The following HOGA1 variants were observed in gnomAD, a reference collection of about 807,000 sequenced individuals.
HOGA1 encodes 4-hydroxy-2-oxoglutarate aldolase 1, also known as 4-hydroxy-2-oxoglutarate aldolase, mitochondrial.
A neutral mutation model predicts 34.3 loss-of-function variants in HOGA1; 30 were observed. The observed-to-expected ratio is 0.87, with a 90% CI of 0.65 to 1.19. HOGA1 has a LOEUF of 1.19. Ranked by LOEUF, HOGA1 falls within the 50% of genes most tolerant of loss-of-function variation. The pLI, the probability that HOGA1 is intolerant of heterozygous loss-of-function variation, is 0.00. For synonymous variants in HOGA1, 161 were observed against 174.0 expected (o/e 0.93, Z 0.59); for missense variants, 417 against 436.5 (o/e 0.96, Z 0.40).
chr10:97,599,283 T>C (rs1245708079), intron 3 of HOGA1, 67 bp downstream of exon 3: 3 of 1,587,508 alleles, frequency 1.9e-6, no homozygotes, highest in East Asian at 4.5e-5. Context: ...AAGCTGGGAA[T>C]AGGGTGGTGC....
chr10:97,594,397 C>A (rs1381968137), intron 1 of HOGA1, among the ~76,000 whole-genome samples: 1 of 151,888 alleles, frequency 6.6e-6, no homozygotes, highest in Non-Finnish European at 1.5e-5. Context: ...CACTGTCACC[C>A]AGGCTGCAGT....
rs2041121874 is a variant in HOGA1, at chr10:97,601,976, G to A, written c.820G>A (p.Glu274Lys). 6.2e-7 allele frequency: 1 copy of A among 1,612,386 alleles called. No homozygotes were observed. The highest frequency in any genetic ancestry group is 8.5e-7 in the Non-Finnish European group (1 of 1,179,598). ...DAQKLQHRLI[E>K]PNAAVTRRFG... ...CCAGAAACTGCAGCACCGCCTCATT[G>A]AGCCAAACGCTGCGGTGAGCCAGTG... The change falls in exon 6 of 7, where the codon GAG becomes AAG. Residue 274 changes from glutamate to lysine, a missense_variant. Coordinates refer to ENST00000370646, the MANE Select transcript of HOGA1 (RefSeq NM_138413.4).
In HOGA1 at chr10:97,603,518, A is replaced by G. The variant is rs1416454887; in HGVS notation, c.834+1528A>G. Among the ~76,000 whole-genome samples the G allele has an allele frequency of 6.6e-6, 1 of 151,614 alleles. No homozygotes were observed. The highest frequency in any genetic ancestry group is 1.5e-5 in the Non-Finnish European group (1 of 67,910). On this transcript the variant is annotated intron_variant, in intron 6 of 6. Transcript: ENST00000370646. This position sits in a 1 kb window ranked among gnomAD's most constrained non-coding sequence, Gnocchi z 4.5. ...GCTGAGATTACAGGCATGAGCCACCATGACTGGCCTACTGTATATTTTATA... is the reference window on the plus strand; with the variant it reads ...GCTGAGATTACAGGCATGAGCCACCGTGACTGGCCTACTGTATATTTTATA...
chr10:97,598,381 G>T (rs2041086962), intron 1 of HOGA1, among the ~76,000 whole-genome samples: 1 of 152,256 alleles, frequency 6.6e-6, no homozygotes, highest in African/African-American at 2.4e-5. Context: ...CAATTAAAAT[G>T]AATGAATCAG....
At chr10:97,585,547 C>T (rs889779905) in intron 1 of HOGA1, among the ~76,000 whole-genome samples, 1 of 152,198 alleles carries the variant, frequency 6.6e-6, no homozygotes, top group African/African-American at 2.4e-5. Context: ...CCCTGCTCCG[C>T]CCATCCCCAT....
intron 1 of HOGA1, among the ~76,000 whole-genome samples, chr10:97,597,718 G>A (rs1206002199): frequency 6.6e-6 from 1 of 152,154 alleles, no homozygotes; most frequent in African/African-American, 2.4e-5. Context: ...CACTTCTGGA[G>A]GCTAAGGTGG....
intron 1 of HOGA1, among the ~76,000 whole-genome samples, chr10:97,591,398 T>C (rs1241901912): frequency 1.3e-5 from 2 of 152,306 alleles, no homozygotes; most frequent in East Asian, 3.9e-4. Context: ...CAACACTTTC[T>C]TCTTGTTTGT....
At position 97,605,832 on chromosome 10, in the gene HOGA1, C is replaced by T. The variant is rs557531611; in HGVS notation, c.834+3842C>T. Among the ~76,000 whole-genome samples, 112 of 152,138 alleles carry T rather than the reference C, an allele frequency of 7.4e-4. 1 individual carries two copies. Among genetic ancestry groups the T allele is most frequent in the Non-Finnish European group, 1.0e-4 (7 of 68,012 alleles). On this transcript the variant is annotated intron_variant, in intron 6 of 6. Coordinates refer to ENST00000370646, the MANE Select transcript of HOGA1 (RefSeq NM_138413.4). ...TCTTTATAGCTTCTAAATACTAGTC[C>T]TTTGTTAGACATGTGGCTTGTAAAT... is the stretch of plus-strand genomic sequence containing the variant.
rs556950043 is a variant in HOGA1, at chr10:97,594,643, G to A, written c.212-4132G>A. On this transcript the variant is annotated intron_variant, in intron 1 of 6. Transcript: ENST00000370646. ...GCTGGGATCACAAGTGTGAACCATT[G>A]TGCCTGGCCTAATTTTAATTTTTTT... Among the ~76,000 whole-genome samples, 7 of 151,928 alleles carry A rather than the reference G, an allele frequency of 4.6e-5. No homozygotes were observed. The East Asian group carries it at 1.2e-3, about 25-fold the overall frequency.
At chr10:97,588,113 C>A (rs376339287) in intron 1 of HOGA1, among the ~76,000 whole-genome samples, 7 of 151,896 alleles carry the variant, frequency 4.6e-5, no homozygotes, top group African/African-American at 9.7e-5. Context: ...TGCCCGGCCC[C>A]GTGTAGCTCT....
Position 97,612,738 on chromosome 10 carries a change from A to G in HOGA1, c.*1079A>G, listed in dbSNP as rs1189568083. On this transcript the variant is annotated 3_prime_UTR_variant, in exon 7 of 7. Coordinates refer to ENST00000370646, the MANE Select transcript of HOGA1 (RefSeq NM_138413.4). Reference sequence around the variant, plus strand: ...GAGATAGGGCCATCCACTTGCCTACAGGCACTCTGCTTTTATTATTAAAAA... The same window carrying G: ...GAGATAGGGCCATCCACTTGCCTACGGGCACTCTGCTTTTATTATTAAAAA... 6.6e-6 allele frequency: 1 copy of G among 152,242 alleles called. No individual in the cohort carries two copies. Among genetic ancestry groups the G allele is most frequent in the Non-Finnish European group, 1.5e-5 (1 of 68,048 alleles). The allele number at this position is 152,242 out of a possible 1,614,324, so 9.4% of individuals were successfully genotyped here. A position where few individuals can be genotyped will look rare whatever the true frequency, so the allele number is the denominator to read the frequency against.
chr10:97,606,855 T>C (rs1160025538), intron 6 of HOGA1, among the ~76,000 whole-genome samples: 1 of 152,222 alleles, frequency 6.6e-6, no homozygotes, highest in African/African-American at 2.4e-5. Context: ...ACTTCTTTAC[T>C]ATATTGTCCT....
rs770023306 is a variant in HOGA1, at chr10:97,589,900, G to A, written c.211+4986G>A. Reference sequence around the variant, plus strand: ...TCTTGCTAGGAGGTGGAGGTCTCATGCTGTGGGTTCAGAGAAAGAGGAGAA... The same window carrying A: ...TCTTGCTAGGAGGTGGAGGTCTCATACTGTGGGTTCAGAGAAAGAGGAGAA... On this transcript the variant is annotated intron_variant, in intron 1 of 6. Coordinates refer to ENST00000370646, the MANE Select transcript of HOGA1 (RefSeq NM_138413.4). The A allele has an allele frequency of 5.6e-6, 9 of 1,611,762 alleles. No homozygotes were observed. In the South Asian group the frequency reaches 8.8e-5, roughly 16 times the overall value.
chr10:97,610,382 C>T (rs541345549), intron 6 of HOGA1, among the ~76,000 whole-genome samples: 2 of 152,264 alleles, frequency 1.3e-5, no homozygotes, highest in South Asian at 4.2e-4. Context: ...GTGGGAGAAT[C>T]GATTGAGCCC....
In HOGA1 at chr10:97,594,897, T is replaced by G. The variant is rs369920299; in HGVS notation, c.212-3878T>G. On this transcript the variant is annotated intron_variant, in intron 1 of 6. Coordinates refer to ENST00000370646, the MANE Select transcript of HOGA1 (RefSeq NM_138413.4). ...AGTTCTAGGGACCTTTGTAGATGGGTGCTGTCCATGGGGAAATATTATACA... is the reference window on the plus strand; with the variant it reads ...AGTTCTAGGGACCTTTGTAGATGGGGGCTGTCCATGGGGAAATATTATACA... Among the ~76,000 whole-genome samples, 47 of 152,192 alleles carry G rather than the reference T, an allele frequency of 3.1e-4. No individual in the cohort carries two copies. The South Asian group carries it at 9.8e-3, about 32-fold the overall frequency.
Position 97,601,883 on chromosome 10 carries a change from G to T in HOGA1, c.727G>T (p.Ala243Ser). 4 of 1,612,518 alleles carry T rather than the reference G, an allele frequency of 2.5e-6. No homozygotes were observed. The highest frequency in any genetic ancestry group is 3.4e-6 in the Non-Finnish European group (4 of 1,180,012). Residue 243 changes from alanine to serine, a missense_variant, in exon 6 of 7, where the codon GCC becomes TCC. Physicochemically the swap from Ala to Ser is moderately conservative, Grantham distance 99. Coordinates refer to ENST00000370646, the MANE Select transcript of HOGA1 (RefSeq NM_138413.4). Reference protein sequence around the residue: ...LGAVGGVCALANVLGAQVCQL... With the variant: ...LGAVGGVCALSNVLGAQVCQL... ...AGCTGTGGGGGGCGTCTGCGCCCTGGCCAATGTCCTGGGGGCTCAGGTGTG... is the reference window on the plus strand; with the variant it reads ...AGCTGTGGGGGGCGTCTGCGCCCTGTCCAATGTCCTGGGGGCTCAGGTGTG...
rs114372258 is a variant in HOGA1, at chr10:97,612,019, C to T, written c.*360C>T. On this transcript the variant is annotated 3_prime_UTR_variant, in exon 7 of 7. Transcript: ENST00000370646. ...AGGCACAGTAAGGGAATTTTCTTTT[C>T]TTTTTTTTTTTTTTTGAGACAGAGT... The T allele has an allele frequency of 0.036, 5,602 of 155,458 alleles. 263 individuals carry two copies. The highest frequency in any genetic ancestry group is 0.1 in the African/African-American group (3,919 of 37,498). The allele number at this position is 155,458 out of a possible 1,614,324, so 9.6% of individuals were successfully genotyped here. A position where few individuals can be genotyped will look rare whatever the true frequency, so the allele number is the denominator to read the frequency against.
In HOGA1 at chr10:97,588,630, T is replaced by C. The variant is rs971644317; in HGVS notation, c.211+3716T>C. ...CTCAAAGATGGACTTTGAATTGTTA[T>C]TTCCAAATGAGGTTAGCCAACCACA... On this transcript the variant is annotated intron_variant, in intron 1 of 6. Coordinates refer to ENST00000370646, the MANE Select transcript of HOGA1 (RefSeq NM_138413.4). Among the ~76,000 whole-genome samples the C allele has an allele frequency of 4.4e-4, 67 of 152,216 alleles. 2 individuals carry two copies. Among genetic ancestry groups the C allele is most frequent in the Non-Finnish European group, 1.5e-5 (1 of 68,038 alleles).
At chr10:97,591,176 G>A (rs1288321882) in intron 1 of HOGA1, among the ~76,000 whole-genome samples, 1 of 152,150 alleles carries the variant, frequency 6.6e-6, no homozygotes, top group Non-Finnish European at 1.5e-5. Flanking sequence ...GAGCAGCCAG[G>A]TATTGGGCTT....
Sources: gnomAD v4.1 joint callset for allele counts (sites outside exome capture counted in the v4.1 genomes callset) on GRCh38, gnomAD v4.1.1 for gene constraint, Gnocchi (gnomAD v3.1) non-coding constraint, MANE v1.5 for transcripts, NCBI Gene and HGNC (gene_info 2026-07-23, HGNC 2026-07-21) for gene names.